RASGRF1: variants seen among roughly 807,000 people sequenced by gnomAD.
RASGRF1 encodes Ras protein specific guanine nucleotide releasing factor 1.
A neutral mutation model predicts 138.7 loss-of-function variants in RASGRF1; 40 were observed. The ratio of observed to expected loss-of-function variants is 0.29; its 90% CI spans 0.22 to 0.38. RASGRF1 has a LOEUF of 0.38. RASGRF1 is among the 10% of genes least tolerant of loss of function. RASGRF1 has a pLI of 1.00. For synonymous variants in RASGRF1, 614 were observed against 663.2 expected (o/e 0.93, Z 1.14); for missense variants, 1,108 against 1,650.4 (o/e 0.67, Z 5.69).
chr15:78,968,250 ATGTGTG>A (rs10529968), intron 26 of RASGRF1, among the ~76,000 whole-genome samples: 2 of 134,226 alleles, frequency 1.5e-5, no homozygotes, highest in African/African-American at 5.3e-5. Flanking sequence ...CATGACACTG[ATGTGTG>A]TGTGTGTGTG....
At chr15:78,985,965 A>C (rs1005105542) in intron 22 of RASGRF1, 1 of 152,064 alleles carries the variant, frequency 6.6e-6, no homozygotes, top group Non-Finnish European at 1.5e-5. Flanking sequence ...GAAAACAAAC[A>C]AACATACAAA....
intron 4 of RASGRF1, among the ~76,000 whole-genome samples, 196 bp from the exon 5 acceptor site, chr15:79,047,195 C>T (rs2057366495): frequency 6.6e-6 from 1 of 152,174 alleles, no homozygotes; most frequent in African/African-American, 2.4e-5. Flanking sequence ...GTTTGGTTGC[C>T]CTGAGTCAGT....
intron 11 of RASGRF1, among the ~76,000 whole-genome samples, chr15:79,019,710 A>C (rs2140978849): frequency 6.6e-6 from 1 of 152,278 alleles, no homozygotes; most frequent in Non-Finnish European, 1.5e-5. Context: ...TGACCCCAAA[A>C]CCTAACAGTG....
chr15:78,999,618 C>G, intron 17 of RASGRF1, 125 bp downstream of exon 17: 1 of 1,199,318 alleles, frequency 8.3e-7, no homozygotes, highest in Non-Finnish European at 1.2e-6. Flanking sequence ...CAGGACCCAC[C>G]TGTGCCATCC....
At chr15:79,035,994 G>A (rs2057216191) in intron 5 of RASGRF1, among the ~76,000 whole-genome samples, 1 of 152,192 alleles carries the variant, frequency 6.6e-6, no homozygotes, top group South Asian at 2.1e-4. Flanking sequence ...GCGCGGGCTG[G>A]GTACAGGCAG....
At chr15:79,082,659 A>T (rs890586330) in intron 1 of RASGRF1, among the ~76,000 whole-genome samples, 1 of 152,214 alleles carries the variant, frequency 6.6e-6, no homozygotes, top group Non-Finnish European at 1.5e-5. Context: ...GACAGAGGGC[A>T]CAGCTCTGAG....
intron 1 of RASGRF1, among the ~76,000 whole-genome samples, chr15:79,069,714 C>T (rs116690015): frequency 0.014 from 2,056 of 152,212 alleles, 38 homozygotes; most frequent in African/African-American, 0.047. Flanking sequence ...TTGGGGGAAA[C>T]GGGGGCAGAA....
rs557851194 is a variant in RASGRF1, at chr15:79,037,616, G to C, written c.879-2406C>G. ...TGGGATTACAGGTGCGCCCCAGCATGCCAGGCTAATTTTTGTATTTTTAGT... is the reference window on the plus strand; with the variant it reads ...TGGGATTACAGGTGCGCCCCAGCATCCCAGGCTAATTTTTGTATTTTTAGT... On this transcript the variant is annotated intron_variant, in intron 5 of 26. Transcript: ENST00000558480. Among the ~76,000 whole-genome samples the C allele has an allele frequency of 6.1e-4, 92 of 151,858 alleles. 1 individual carries two copies. The highest frequency in any genetic ancestry group is 6.8e-3 in the Middle Eastern group (2 of 294).
At chr15:79,053,527 G>A (rs2057461198) in intron 3 of RASGRF1, among the ~76,000 whole-genome samples, 1 of 152,250 alleles carries the variant, frequency 6.6e-6, no homozygotes, top group Non-Finnish European at 1.5e-5. Flanking sequence ...GAGGGGAGGA[G>A]TCTTCTCATA....
At chr15:79,004,758 A>G (rs1957528670) in intron 14 of RASGRF1, 1 of 985,594 alleles carries the variant, frequency 1.0e-6, no homozygotes, top group Admixed American at 6.1e-5. Context: ...GGCTGGAAAC[A>G]GGTTATACAT....
Position 78,998,170 on chromosome 15 carries a change from G to A in RASGRF1, c.2892C>T (p.Ile964=), listed in dbSNP as rs778805808. The change falls in exon 19 of 27, where the codon ATC becomes ATT. Residue 964 remains isoleucine, a synonymous_variant. Coordinates refer to ENST00000558480, the MANE Select transcript of RASGRF1 (RefSeq NM_001145648.3). ...ETNDELKCKV[I]GFLEEVMHDP... is the part of the protein sequence containing the mutation. Reference sequence around the variant, plus strand: ...CGTGCATGACTTCTTCCAGGAAGCCGATCACCTTGCATTTGAGCTCATCGT... The same window carrying A: ...CGTGCATGACTTCTTCCAGGAAGCCAATCACCTTGCATTTGAGCTCATCGT... 17 of 1,614,056 alleles carry A rather than the reference G, an allele frequency of 1.1e-5. No homozygotes were observed. The highest frequency in any genetic ancestry group is 1.3e-5 in the African/African-American group (1 of 74,940).
At chr15:79,090,133 A>C in intron 1 of RASGRF1, 90 bp downstream of exon 1, 1 of 1,435,976 alleles carries the variant, frequency 7.0e-7, no homozygotes, top group Non-Finnish European at 9.1e-7. Flanking sequence ...AGAGGGGCCA[A>C]AGTTCAAGCG....
chr15:79,072,091 T>C (rs1196463779), intron 1 of RASGRF1, among the ~76,000 whole-genome samples: 2 of 152,028 alleles, frequency 1.3e-5, no homozygotes, highest in Non-Finnish European at 2.9e-5. Context: ...GTCACAGGCC[T>C]GCTTTGGTTC....
At chr15:79,045,535 G>C (rs1280742093) in intron 5 of RASGRF1, among the ~76,000 whole-genome samples, 1 of 152,200 alleles carries the variant, frequency 6.6e-6, no homozygotes, top group Non-Finnish European at 1.5e-5. Flanking sequence ...AAGGTCTCAT[G>C]AGGCCAAAAG....
intron 7 of RASGRF1, 113 bp from the exon 8 acceptor site, chr15:79,031,622 G>A: frequency 3.9e-6 from 1 of 259,634 alleles, no homozygotes; most frequent in Middle Eastern, 1.1e-3. Flanking sequence ...GAGGGAGAGG[G>A]AGAGGGAGAG....
intron 26 of RASGRF1, among the ~76,000 whole-genome samples, chr15:78,966,220 C>G (rs2055641119): frequency 7.4e-6 from 1 of 136,002 alleles, no homozygotes; most frequent in South Asian, 2.3e-4. Flanking sequence ...ACCATGAGGA[C>G]TTAAATTTTT....
intron 1 of RASGRF1, among the ~76,000 whole-genome samples, chr15:79,072,319 A>C (rs2057771557): frequency 9.1e-6 from 1 of 109,952 alleles, no homozygotes; most frequent in South Asian, 3.2e-4. Context: ...TCTGTTGCCC[A>C]GGCTGGAGTG....
At chr15:79,064,974 C>T (rs1035394817) in intron 1 of RASGRF1, among the ~76,000 whole-genome samples, 2 of 152,168 alleles carry the variant, frequency 1.3e-5, no homozygotes, top group African/African-American at 4.8e-5. Flanking sequence ...AGACACGGTC[C>T]CTGTAAGAGC....
intron 2 of RASGRF1, among the ~76,000 whole-genome samples, chr15:79,060,099 A>G (rs1001419871): frequency 5.9e-5 from 9 of 152,006 alleles, no homozygotes; most frequent in African/African-American, 2.2e-4. Context: ...AACTCCCTAG[A>G]TAGTAGATAA....
Sources: gnomAD v4.1 joint callset for allele counts (sites outside exome capture counted in the v4.1 genomes callset) on GRCh38, gnomAD v4.1.1 for gene constraint, MANE v1.5 for transcripts, NCBI Gene and HGNC (gene_info 2026-07-23, HGNC 2026-07-21) for gene names.